PLB1: variants seen among roughly 807,000 people sequenced by gnomAD.
PLB1 encodes phospholipase B1.
In PLB1, 242 loss-of-function variants were observed where a neutral mutation model predicts 227.4. That is an observed-to-expected ratio of 1.06 (90% confidence interval 0.96 to 1.18). PLB1 has a LOEUF of 1.18. Among genes scored for constraint, PLB1 ranks in the 50% most tolerant of loss-of-function variants. The probability of loss-of-function intolerance (pLI) is 0.00; values close to 1 mark genes in which losing one functional copy is unlikely to be tolerated. For missense variants in PLB1, 1,858 were observed against 1,816.3 expected (o/e 1.02, Z -0.42); for synonymous variants, 757 against 682.2 (o/e 1.11, Z -1.71).
chr2:28,567,778 A>G (rs1403320107), intron 20 of PLB1, among the ~76,000 whole-genome samples: 1 of 152,096 alleles, frequency 6.6e-6, no homozygotes, highest in South Asian at 2.1e-4. Context: ...GTCTGATTAT[A>G]TTCCTTGAAG....
chr2:28,642,137 T>C (rs547748383), intron 57 of PLB1, among the ~76,000 whole-genome samples: 14 of 152,316 alleles, frequency 9.2e-5, no homozygotes, highest in African/African-American at 3.4e-4. Flanking sequence ...CATTCCTGTC[T>C]CCAGACACTG....
At chr2:28,591,628 G>A in intron 30 of PLB1, 72 bp from the exon 31 acceptor site, 1 of 1,481,174 alleles carries the variant, frequency 6.8e-7, no homozygotes, top group Non-Finnish European at 9.4e-7. Flanking sequence ...AAAGTTCTTG[G>A]GGTACATCTG....
intron 1 of PLB1, among the ~76,000 whole-genome samples, chr2:28,506,477 T>C (rs1425613718): frequency 6.6e-6 from 1 of 152,030 alleles, no homozygotes; most frequent in African/African-American, 2.4e-5. Context: ...AATGAGGGGT[T>C]AAGGTAGGAC....
chr2:28,557,718 A>G (rs997559524), intron 17 of PLB1, among the ~76,000 whole-genome samples: 13 of 152,206 alleles, frequency 8.5e-5, no homozygotes, highest in African/African-American at 2.9e-4. Flanking sequence ...GTGGTGGACA[A>G]TTTGTACCAG....
Position 28,628,595 on chromosome 2 carries a change from C to T in PLB1, c.3693C>T (p.His1231=), listed in dbSNP as rs759892586. The T allele has an allele frequency of 6.2e-7, 1 of 1,614,158 alleles. No individual in the cohort carries two copies. Among genetic ancestry groups the T allele is most frequent in the Non-Finnish European group, 8.5e-7 (1 of 1,180,020 alleles). Residue 1231 remains histidine, a synonymous_variant, in exon 52 of 58, where the codon CAC becomes CAT. Transcript: ENST00000327757. ...EAHLATEYVQ[H]IQQALDILSE... ...ACTTGGCCACGGAATATGTTCAGCA[C>T]ATCCAACAGGCCCTGGACATCCTCT...
chr2:28,515,784 T>C (rs1163408338), intron 1 of PLB1, among the ~76,000 whole-genome samples: 1 of 152,096 alleles, frequency 6.6e-6, no homozygotes, highest in Non-Finnish European at 1.5e-5. Flanking sequence ...TGGGCAGGCA[T>C]TGGGTGGGGA....
intron 49 of PLB1, 35 bp from the exon 50 acceptor site, chr2:28,625,022 C>G (rs556374630): frequency 6.2e-7 from 1 of 1,602,402 alleles, no homozygotes; most frequent in African/African-American, 1.3e-5. Context: ...GCTCCTGAGC[C>G]GGCACTAACG....
rs199588610 is a variant in PLB1 at position 28,587,604 on chromosome 2, T to C, written c.1815+1762T>C. Among the ~76,000 whole-genome samples the C allele has an allele frequency of 2.3e-4, 31 of 133,292 alleles. 2 individuals carry two copies. In the East Asian group the frequency reaches 7.0e-3, roughly 30 times the overall value. The allele number at this position is 133,292 out of a possible 152,430, so 87.4% of individuals were successfully genotyped here. On this transcript the variant is annotated intron_variant, in intron 26 of 57. Transcript: ENST00000327757. Reference sequence around the variant, plus strand: ...CAGCCTGGGTGACACAGTGAGACTGTCTCAAAAAAAAAAAAAATCAAAATC... The same window carrying C: ...CAGCCTGGGTGACACAGTGAGACTGCCTCAAAAAAAAAAAAAATCAAAATC...
At chr2:28,533,064 C>T (rs1022012004) in intron 9 of PLB1, among the ~76,000 whole-genome samples, 1 of 152,116 alleles carries the variant, frequency 6.6e-6, no homozygotes, top group African/African-American at 2.4e-5. Context: ...TTGTCCTCTT[C>T]GCCACCCTCC....
chr2:28,630,745 AG>A (rs1688505437), intron 54 of PLB1, 81 bp downstream of exon 54: 1 of 1,219,118 alleles, frequency 8.2e-7, no homozygotes. Flanking sequence ...AATGCCCAGC[AG>A]GATGTGGCCA....
At chr2:28,509,404 G>A (rs758827008) in intron 1 of PLB1, among the ~76,000 whole-genome samples, 23 of 152,152 alleles carry the variant, frequency 1.5e-4, no homozygotes, top group Non-Finnish European at 3.2e-4. Context: ...CACCAGGCCA[G>A]TCAAATCTGA....
At chr2:28,548,953 A>AGG (rs1401093295) in intron 15 of PLB1, 22 bp downstream of exon 15, 3 of 1,611,854 alleles carry the variant, frequency 1.9e-6, no homozygotes, top group Non-Finnish European at 2.5e-6. Context: ...TGGGCAGAGG[A>AGG]GGGACTCTTA....
rs1335104831 is a variant in PLB1 at position 28,628,974 on chromosome 2, C to G, written c.3727-120C>G. 6 of 790,828 alleles carry G rather than the reference C, an allele frequency of 7.6e-6. No individual in the cohort carries two copies. The African/African-American group carries it at 1.0e-4, about 14-fold the overall frequency. 49.0% of individuals were successfully genotyped at this position (790,828 alleles called of 1,614,324 possible). ...AGATACTACAAGTTGCATCCCCTCT[C>G]TGGGCCTCAGTTTCTTCATTGGTAA... is the stretch of plus-strand genomic sequence containing the variant. On this transcript the variant is annotated intron_variant, in intron 52 of 57. Coordinates refer to ENST00000327757, the MANE Select transcript of PLB1 (RefSeq NM_153021.5).
In PLB1 at chr2:28,626,492, A is replaced by G. The variant is rs773163419; in HGVS notation, c.3644A>G (p.His1215Arg). Reference protein sequence around the residue: ...TLFIGVNDLCHYCENPEAHLA... With the variant: ...TLFIGVNDLCRYCENPEAHLA... The stretch of plus-strand genomic sequence containing the variant: ...TTCATTGGGGTCAACGACTTGTGTC[A>G]TTACTGTGAGAATCCGGTAGGCCCC... The change falls in exon 51 of 58, where the codon CAT becomes CGT. Residue 1215 changes from histidine (H) to arginine (R), a missense_variant. By Grantham distance (29) the His-to-Arg change is conservative. Coordinates refer to ENST00000327757, the MANE Select transcript of PLB1 (RefSeq NM_153021.5). The G allele has an allele frequency of 3.7e-6, 6 of 1,614,114 alleles. No individual in the cohort carries two copies. The highest frequency in any genetic ancestry group is 5.1e-6 in the Non-Finnish European group (6 of 1,179,972).
At chr2:28,577,650 G>T (rs1679205106) in intron 21 of PLB1, among the ~76,000 whole-genome samples, 1 of 152,220 alleles carries the variant, frequency 6.6e-6, no homozygotes, top group Non-Finnish European at 1.5e-5. Flanking sequence ...AGACCAGCCT[G>T]GCCAACATGG....
chr2:28,640,226 G>A (rs1558983098), intron 56 of PLB1, among the ~76,000 whole-genome samples: 1 of 152,182 alleles, frequency 6.6e-6, no homozygotes, highest in Admixed American at 6.5e-5. Context: ...ACAGTGCCAG[G>A]GGCTCATTCT....
intron 43 of PLB1, among the ~76,000 whole-genome samples, chr2:28,607,633 G>A (rs1457123558): frequency 6.6e-6 from 1 of 152,130 alleles, no homozygotes; most frequent in Non-Finnish European, 1.5e-5. Flanking sequence ...AGTCCAGGTG[G>A]TCAGGTGCTG....
chr2:28,510,778 T>G (rs1668151539), intron 1 of PLB1, among the ~76,000 whole-genome samples: 1 of 141,538 alleles, frequency 7.1e-6, no homozygotes, highest in African/African-American at 2.7e-5. Context: ...ACTCAGATAA[T>G]TGTGTGTGTG....
intron 7 of PLB1, 50 bp downstream of exon 7, chr2:28,529,457 T>A (rs1330604011): frequency 7.0e-7 from 1 of 1,431,522 alleles, no homozygotes; most frequent in Admixed American, 1.7e-5. Flanking sequence ...CTACTGGTCT[T>A]CAACATATAG....
Sources: allele counts gnomAD v4.1 joint callset (sites outside exome capture counted in the v4.1 genomes callset), GRCh38; gene constraint gnomAD v4.1.1; transcripts MANE v1.5; gene names NCBI Gene and HGNC (gene_info 2026-07-23, HGNC 2026-07-21).